Variants in OPCML observed in about 807,000 individuals in gnomAD.
OPCML encodes the protein opioid-binding protein/cell adhesion molecule.
In OPCML, 13 loss-of-function variants were observed where a neutral mutation model predicts 37.8. The observed-to-expected ratio is 0.34, with a 90% CI of 0.22 to 0.55. The LOEUF is 0.55. Among genes scored for constraint, OPCML ranks in the 20% least tolerant of loss-of-function variants. OPCML has a pLI of 0.91. For synonymous variants in OPCML, 176 were observed against 168.8 expected, an observed-to-expected ratio of 1.04 and a Z score of -0.33; for missense variants, 341 against 435.6, an observed-to-expected ratio of 0.78 and a Z score of 1.93.
intron 2 of OPCML, among the ~76,000 whole-genome samples, chr11:132,720,362 A>G (rs943170597): frequency 6.6e-6 from 1 of 152,220 alleles, no homozygotes; most frequent in African/African-American, 2.4e-5. Flanking sequence ...AGGGCCTCCT[A>G]TGGCCTGCCT....
chr11:133,136,528 G>A (rs1383526335), intron 1 of OPCML, among the ~76,000 whole-genome samples: 2 of 152,072 alleles, frequency 1.3e-5, no homozygotes, highest in East Asian at 2.0e-4. Flanking sequence ...ACTAAAAATA[G>A]AGCTGCTTCC....
At chr11:132,934,495 G>A (rs1003349471) in intron 2 of OPCML, among the ~76,000 whole-genome samples, 1 of 152,156 alleles carries the variant, frequency 6.6e-6, no homozygotes, top group Non-Finnish European at 1.5e-5. Context: ...CCTGTGGCCT[G>A]GACAGGCAGA....
At chr11:133,013,104 T>C (rs1479992661) in intron 1 of OPCML, among the ~76,000 whole-genome samples, 1 of 152,180 alleles carries the variant, frequency 6.6e-6, no homozygotes, top group Non-Finnish European at 1.5e-5. Context: ...GTCACTTGAT[T>C]ATGTAGTGGT....
At chr11:133,114,789 G>C (rs951324693) in intron 1 of OPCML, among the ~76,000 whole-genome samples, 4 of 152,186 alleles carry the variant, frequency 2.6e-5, no homozygotes, top group African/African-American at 9.7e-5. Flanking sequence ...AGAAGTAGGA[G>C]GAGTTAAGAG....
chr11:132,681,732 G>A (rs1022938530), intron 2 of OPCML, among the ~76,000 whole-genome samples: 6 of 152,132 alleles, frequency 3.9e-5, no homozygotes, highest in Admixed American at 1.3e-4. Context: ...GAGGTGGGCA[G>A]ATCACGAGGT....
At chr11:133,396,290 T>C (rs973330019) in intron 1 of OPCML, among the ~76,000 whole-genome samples, 7 of 152,186 alleles carry the variant, frequency 4.6e-5, no homozygotes, top group Admixed American at 1.3e-4. Flanking sequence ...TTAGTTCTAA[T>C]AGTTTTTTGG....
chr11:133,036,665 T>C (rs1308936088), intron 1 of OPCML, among the ~76,000 whole-genome samples: 1 of 152,212 alleles, frequency 6.6e-6, no homozygotes, highest in Admixed American at 6.5e-5. Context: ...AGAAAAATAG[T>C]TAATGTTCAA....
At chr11:133,026,296 G>C (rs10750524) in intron 1 of OPCML, 445,564 of 843,424 alleles carry the variant, frequency 0.53, 118,404 homozygotes, top group Admixed American at 0.57. Flanking sequence ...ATGGATTTGG[G>C]GTTTGGGCTT....
At chr11:132,723,976 T>G in intron 2 of OPCML, among the ~76,000 whole-genome samples, 1 of 152,170 alleles carries the variant, frequency 6.6e-6, no homozygotes, top group Admixed American at 6.5e-5. Context: ...AAATAAAGCC[T>G]AAGACAGCCA....
intron 1 of OPCML, among the ~76,000 whole-genome samples, chr11:133,314,362 A>T (rs188415939): frequency 6.6e-6 from 1 of 151,718 alleles, no homozygotes; most frequent in African/African-American, 2.4e-5. Context: ...TCTAAACTTC[A>T]TGTCAAAATT....
intron 1 of OPCML, among the ~76,000 whole-genome samples, chr11:133,011,726 G>A (rs899459290): frequency 6.6e-6 from 1 of 152,066 alleles, no homozygotes; most frequent in African/African-American, 2.4e-5. Context: ...CAGGCAGTCA[G>A]GAGCCATTGG....
At chr11:132,695,101 C>T (rs934863629) in intron 2 of OPCML, among the ~76,000 whole-genome samples, 4 of 152,104 alleles carry the variant, frequency 2.6e-5, no homozygotes, top group African/African-American at 9.7e-5. Context: ...GCAATGCTTC[C>T]GTGCCCTTGA....
chr11:133,496,977 C>G (rs1269756785), intron 1 of OPCML, among the ~76,000 whole-genome samples: 1 of 152,234 alleles, frequency 6.6e-6, no homozygotes, highest in African/African-American at 2.4e-5. Context: ...CTGTCTTGTT[C>G]CCGTTCTCAG....
At chr11:132,892,035 A>T (rs186955673) in intron 2 of OPCML, among the ~76,000 whole-genome samples, 12 of 152,306 alleles carry the variant, frequency 7.9e-5, no homozygotes, top group African/African-American at 2.9e-4. Flanking sequence ...CTTTTCCAAC[A>T]GTGTTGAAGA....
At chr11:132,588,851 T>G (rs191718997) in intron 3 of OPCML, among the ~76,000 whole-genome samples, 1 of 152,282 alleles carries the variant, frequency 6.6e-6, no homozygotes, top group East Asian at 1.9e-4. Context: ...TACAGATATA[T>G]CTCCCAGAAG....
At chr11:132,581,673 A>G (rs546228500) in intron 3 of OPCML, among the ~76,000 whole-genome samples, 2 of 152,160 alleles carry the variant, frequency 1.3e-5, no homozygotes, top group Non-Finnish European at 2.9e-5. Flanking sequence ...AAGTTCACAT[A>G]TTTCTTATGA....
intron 2 of OPCML, among the ~76,000 whole-genome samples, chr11:132,764,695 A>G (rs1946378057): frequency 1.3e-5 from 2 of 152,156 alleles, no homozygotes; most frequent in Admixed American, 6.5e-5. Flanking sequence ...TGTTCCACTG[A>G]GCAGAAGAAA....
intron 3 of OPCML, among the ~76,000 whole-genome samples, chr11:132,537,758 T>G (rs937012826): frequency 6.6e-6 from 1 of 152,164 alleles, no homozygotes; most frequent in African/African-American, 2.4e-5. Flanking sequence ...ACAAAGGAGT[T>G]GCATAAATAA....
intron 1 of OPCML, among the ~76,000 whole-genome samples, chr11:133,141,192 G>C (rs575303531): frequency 6.6e-6 from 1 of 152,042 alleles, no homozygotes; most frequent in African/African-American, 2.4e-5. Context: ...GAGGAACAAG[G>C]CAGCATGGTG....
Sources: allele counts gnomAD v4.1 joint callset (sites outside exome capture counted in the v4.1 genomes callset), GRCh38; gene constraint gnomAD v4.1.1; transcripts MANE v1.5; gene names NCBI Gene and HGNC (gene_info 2026-07-23, HGNC 2026-07-21).